Variants in EXO1 observed in about 807,000 individuals in gnomAD.
EXO1 encodes exonuclease 1.
Under a neutral mutation model 84.5 loss-of-function variants are expected in EXO1, and 69 were observed. That is an observed-to-expected ratio of 0.82 (90% CI 0.67 to 1.00). The LOEUF (loss-of-function observed/expected upper bound fraction) is 1.00, where lower values mean the gene tolerates loss of function less well. EXO1 is among the 50% of genes least tolerant of loss of function. The pLI is 0.00. For missense variants in EXO1, 1,045 were observed against 1,000.7 expected (o/e 1.04, Z -0.60); for synonymous variants, 373 against 366.1 (o/e 1.02, Z -0.21).
Position 241,872,188 on chromosome 1 carries a change from C to T in EXO1, c.1424C>T (p.Thr475Ile). The change falls in exon 12 of 16, where the codon ACT becomes ATT. Residue 475 changes from threonine to isoleucine, a missense_variant. By Grantham distance (89) the Thr-to-Ile change is moderately conservative. Coordinates refer to ENST00000366548, the MANE Select transcript of EXO1 (RefSeq NM_130398.4). ...CCTACTAACAAAAAGAGTGTAAGCA[C>T]TCCACCTAGGACGAGAAATAAATTT... Reference protein sequence around the residue: ...NGPTNKKSVSTPPRTRNKFAT... With the variant: ...NGPTNKKSVSIPPRTRNKFAT... 6.2e-7 allele frequency: 1 copy of T among 1,613,880 alleles called. No homozygotes were observed. The highest frequency in any genetic ancestry group is 2.2e-5 in the East Asian group (1 of 44,854).
chr1:241,878,499 A>AAT (rs1387808873), intron 12 of EXO1, among the ~76,000 whole-genome samples: 1 of 151,828 alleles, frequency 6.6e-6, no homozygotes, highest in Non-Finnish European at 1.5e-5. Context: ...CTGTCTCAAA[A>AAT]AAAAAAAAAA....
chr1:241,855,746 C>G (rs1038335381), intron 6 of EXO1, among the ~76,000 whole-genome samples: 7 of 152,234 alleles, frequency 4.6e-5, no homozygotes, highest in East Asian at 1.9e-4. Context: ...GCTAAGGCCC[C>G]GCGAGAAATA....
intron 14 of EXO1, 121 bp downstream of exon 14, chr1:241,882,138 G>A (rs1662806066): frequency 3.2e-6 from 2 of 626,478 alleles, no homozygotes; most frequent in East Asian, 2.9e-5. Context: ...ATATAAAAAT[G>A]TCTACTTTAA....
At chr1:241,883,678 T>G (rs1662892755) in intron 14 of EXO1, among the ~76,000 whole-genome samples, 1 of 152,214 alleles carries the variant, frequency 6.6e-6, no homozygotes, top group African/African-American at 2.4e-5. Flanking sequence ...CAATCATATC[T>G]ACTAACTTGA....
Position 241,872,049 on chromosome 1 carries a change from G to T in EXO1, c.1285G>T (p.Asp429Tyr), listed in dbSNP as rs769626394. 2 of 1,612,708 alleles carry T rather than the reference G, an allele frequency of 1.2e-6. No homozygotes were observed. The highest frequency in any genetic ancestry group is 1.7e-5 in the Admixed American group (1 of 59,958). ...RPRSAELSED[D>Y]LLSQYSLSFT... Reference sequence around the variant, plus strand: ...TTATTTAGCAGAGCTGTCAGAAGATGACCTGTTGAGTCAGTATTCTCTTTC... The same window carrying T: ...TTATTTAGCAGAGCTGTCAGAAGATTACCTGTTGAGTCAGTATTCTCTTTC... The change falls in exon 12 of 16, where the codon GAC becomes TAC. Residue 429 changes from aspartate (D) to tyrosine (Y), a missense_variant. Transcript: ENST00000366548.
intron 11 of EXO1, 69 bp from the exon 12 acceptor site, chr1:241,871,963 C>G: frequency 2.1e-6 from 2 of 939,424 alleles, no homozygotes; most frequent in African/African-American, 1.7e-5. Context: ...GGGATATAAA[C>G]TGAAGTTAAG....
At chr1:241,857,259 C>A in intron 6 of EXO1, 86 bp from the exon 7 acceptor site, 2 of 1,268,180 alleles carry the variant, frequency 1.6e-6, no homozygotes, top group Non-Finnish European at 1.1e-6. Flanking sequence ...CCTGCTGAGG[C>A]TAGTAATAAA....
At chr1:241,876,176 G>C (rs547137334) in intron 12 of EXO1, among the ~76,000 whole-genome samples, 91 of 152,340 alleles carry the variant, frequency 6.0e-4, no homozygotes, top group African/African-American at 2.1e-3. Context: ...GGTGCATTAA[G>C]AGATACCTAG....
At chr1:241,865,490 T>A (rs1357731271) in intron 10 of EXO1, among the ~76,000 whole-genome samples, 1 of 150,758 alleles carries the variant, frequency 6.6e-6, no homozygotes, top group African/African-American at 2.4e-5. Flanking sequence ...GGATTACAGG[T>A]GTGAGCCACC....
At position 241,852,352 on chromosome 1, in the gene EXO1, T is replaced by C. The variant is rs1478353519; in HGVS notation, c.222T>C (p.Ile74=). 3 of 1,589,658 alleles carry C rather than the reference T, an allele frequency of 1.9e-6. No individual in the cohort carries two copies. Among genetic ancestry groups the C allele is most frequent in the Middle Eastern group, 1.7e-4 (1 of 6,014 alleles). ...NMLLSHGIKP[I]LVFDGCTLPS... is the part of the protein sequence containing the mutation. The stretch of plus-strand genomic sequence containing the variant: ...TACTATCTCATGGGATCAAGCCTAT[T>C]CTCGTATTTGATGGATGTACTTTAC... The change falls in exon 5 of 16, where the codon ATT becomes ATC. Residue 74 remains isoleucine, a synonymous_variant. Coordinates refer to ENST00000366548, the MANE Select transcript of EXO1 (RefSeq NM_130398.4).
chr1:241,882,768 AAAAT>A (rs1411484071), intron 14 of EXO1, among the ~76,000 whole-genome samples: 7 of 152,298 alleles, frequency 4.6e-5, no homozygotes, highest in African/African-American at 1.7e-4. Flanking sequence ...TTAAAATAAT[AAAAT>A]AGTTTCTTGC....
intron 12 of EXO1, among the ~76,000 whole-genome samples, chr1:241,875,674 C>T (rs536057990): frequency 6.6e-6 from 1 of 152,054 alleles, no homozygotes; most frequent in African/African-American, 2.4e-5. Context: ...GTCAGGAGAT[C>T]GAGACCATCC....
At chr1:241,862,991 C>A (rs979705935) in intron 10 of EXO1, among the ~76,000 whole-genome samples, 1 of 152,080 alleles carries the variant, frequency 6.6e-6, no homozygotes, top group African/African-American at 2.4e-5. Context: ...TGCCCATTGC[C>A]TAAATAGGAA....
intron 8 of EXO1, among the ~76,000 whole-genome samples, chr1:241,858,994 C>T (rs1054217437): frequency 6.6e-6 from 1 of 152,130 alleles, no homozygotes; most frequent in Non-Finnish European, 1.5e-5. Context: ...AAATTAAACT[C>T]GGAGTCTTTT....
At chr1:241,888,994 C>CCCAG (rs1029327824) in intron 15 of EXO1, among the ~76,000 whole-genome samples, 7 of 152,132 alleles carry the variant, frequency 4.6e-5, no homozygotes, top group Admixed American at 2.6e-4. Flanking sequence ...ATCGCTTGAA[C>CCCAG]CCAGGAGGTG....
chr1:241,870,422 G>A (rs1483219668), intron 11 of EXO1, among the ~76,000 whole-genome samples: 2 of 152,196 alleles, frequency 1.3e-5, no homozygotes, highest in East Asian at 1.9e-4. Context: ...TGCTCTGGAT[G>A]TAATATAGGT....
chr1:241,881,583 G>T (rs183309806), intron 13 of EXO1, among the ~76,000 whole-genome samples: 2 of 152,298 alleles, frequency 1.3e-5, no homozygotes, highest in Admixed American at 1.3e-4. Flanking sequence ...CTAGTAAGAT[G>T]AAAACTTAAC....
rs779653956 is a variant in EXO1, at chr1:241,853,479, A to G, written c.403A>G (p.Lys135Glu). 1.5e-5 allele frequency: 24 copies of G among 1,613,954 alleles called. No homozygotes were observed. In the South Asian group the frequency reaches 2.1e-4, roughly 14 times the overall value. Reference protein sequence around the residue: ...ITHAMAHKVIKAARSQGVDCL... With the variant: ...ITHAMAHKVIEAARSQGVDCL... ...ACATGCCATGGCCCACAAAGTAATT[A>G]AAGTAAGACAAAGGGGCAGATGGGC... Residue 135 changes from lysine to glutamate, a missense_variant and splice_region_variant, in exon 6 of 16, where the codon AAA becomes GAA. Transcript: ENST00000366548.
intron 15 of EXO1, among the ~76,000 whole-genome samples, chr1:241,885,939 C>T (rs564626348): frequency 2.4e-4 from 36 of 151,904 alleles, no homozygotes; most frequent in South Asian, 1.0e-3. Context: ...CCGCAACCTC[C>T]GCCACCTGGG....
Sources: allele counts gnomAD v4.1 joint callset (sites outside exome capture counted in the v4.1 genomes callset), GRCh38; gene constraint gnomAD v4.1.1; transcripts MANE v1.5; gene names NCBI Gene and HGNC (gene_info 2026-07-23, HGNC 2026-07-21).